C2orf42: variants seen among roughly 807,000 people sequenced by gnomAD.
C2orf42 encodes the protein uncharacterized protein C2orf42.
In C2orf42, 44 loss-of-function variants were observed where a neutral mutation model predicts 58.9. That is an observed-to-expected ratio of 0.75 (90% confidence interval 0.59 to 0.96). The LOEUF is 0.96. Ranked by LOEUF, C2orf42 falls within the 40% of genes least tolerant of loss-of-function variation. The pLI is 0.00. For synonymous variants in C2orf42, 239 were observed against 265.4 expected, an observed-to-expected ratio of 0.90 and a Z score of 0.97; for missense variants, 630 against 699.2, an observed-to-expected ratio of 0.90 and a Z score of 1.12.
chr2:70,170,401 T>C (rs890177739), intron 5 of C2orf42, among the ~76,000 whole-genome samples: 1 of 151,930 alleles, frequency 6.6e-6, no homozygotes, highest in African/African-American at 2.4e-5. Flanking sequence ...TGCGTCACCA[T>C]GCCCAGCCAA....
At chr2:70,157,998 C>T (rs115538364) in intron 9 of C2orf42, among the ~76,000 whole-genome samples, 3,268 of 151,968 alleles carry the variant, frequency 0.022, 127 homozygotes, top group African/African-American at 0.075. Flanking sequence ...GTCCAGAGTT[C>T]GACATCAGCC....
At chr2:70,160,921 T>G (rs1034824955) in intron 8 of C2orf42, 134 bp from the exon 9 acceptor site, 9 of 598,082 alleles carry the variant, frequency 1.5e-5, no homozygotes, top group Non-Finnish European at 2.5e-5. Flanking sequence ...AACTTCCCTG[T>G]TTTTCAAGAA....
chr2:70,162,680 C>T (rs2104872309), intron 8 of C2orf42, among the ~76,000 whole-genome samples: 1 of 152,110 alleles, frequency 6.6e-6, no homozygotes, highest in Admixed American at 6.6e-5. Context: ...GCTGTGTTGC[C>T]TAGGCTGGTC....
At chr2:70,152,920 C>G (rs1263450338) in intron 9 of C2orf42, among the ~76,000 whole-genome samples, 1 of 151,910 alleles carries the variant, frequency 6.6e-6, no homozygotes, top group African/African-American at 2.4e-5. Context: ...GTAATCCCAG[C>G]TACTCAGAAG....
At chr2:70,189,749 G>A (rs1365966607) in intron 1 of C2orf42, among the ~76,000 whole-genome samples, 2 of 150,598 alleles carry the variant, frequency 1.3e-5, no homozygotes, top group African/African-American at 4.9e-5. Flanking sequence ...CTGAGTAGCT[G>A]GACGTGGTGG....
chr2:70,166,319 A>G (rs1361913660), intron 6 of C2orf42, among the ~76,000 whole-genome samples: 1 of 150,320 alleles, frequency 6.7e-6, no homozygotes, highest in African/African-American at 2.4e-5. Context: ...ACGCCACTGC[A>G]CTCCAGCCTG....
chr2:70,177,910 T>C (rs550550261), intron 4 of C2orf42, among the ~76,000 whole-genome samples: 246 of 151,810 alleles, frequency 1.6e-3, no homozygotes, highest in Non-Finnish European at 2.6e-3. Context: ...CATGGTGGCT[T>C]GTGCCTGTAG....
In C2orf42 at chr2:70,179,901, T is replaced by C. The variant is rs577341728; in HGVS notation, c.824-259A>G. Among the ~76,000 whole-genome samples, 343 of 152,122 alleles carry C rather than the reference T, an allele frequency of 2.3e-3. 1 individual carries two copies. Among genetic ancestry groups the C allele is most frequent in the African/African-American group, 7.9e-3 (329 of 41,500 alleles). On this transcript the variant is annotated intron_variant, in intron 3 of 9. Transcript: ENST00000264434. ...CTGTAATGAGCCGTGATTATGTCAC[T>C]GCATGCCAGCCTGGGCGACAGAGGC...
intron 4 of C2orf42, among the ~76,000 whole-genome samples, chr2:70,177,468 A>G (rs1674269905): frequency 6.6e-6 from 1 of 152,094 alleles, no homozygotes. Context: ...ACATTTAACA[A>G]CAATTTCTGC....
intron 9 of C2orf42, among the ~76,000 whole-genome samples, chr2:70,152,135 C>G (rs1672351411): frequency 6.6e-6 from 1 of 152,116 alleles, no homozygotes; most frequent in South Asian, 2.1e-4. Context: ...TAAATAGTCA[C>G]CCCTTTTAAA....
chr2:70,168,140 A>G (rs1382776256), intron 6 of C2orf42, among the ~76,000 whole-genome samples: 13 of 151,006 alleles, frequency 8.6e-5, no homozygotes, highest in Non-Finnish European at 4.4e-5. Flanking sequence ...AGGCTGAGGC[A>G]GGAGAATTGC....
In C2orf42 at chr2:70,150,245, A is replaced by G. The variant is rs745615102; in HGVS notation, c.*111T>C. Reference sequence around the variant, plus strand: ...GCACTGAGAATTTGCATCTTAGCTAAGAGCAGTTTACCAAGGAACAGGGCC... The same window carrying G: ...GCACTGAGAATTTGCATCTTAGCTAGGAGCAGTTTACCAAGGAACAGGGCC... On this transcript the variant is annotated 3_prime_UTR_variant, in exon 10 of 10. Transcript: ENST00000264434. 1.8e-4 allele frequency: 152 copies of G among 841,472 alleles called. No individual in the cohort carries two copies. The highest frequency in any genetic ancestry group is 2.4e-4 in the Non-Finnish European group (125 of 520,528). 52.1% of individuals were successfully genotyped at this position (841,472 alleles called of 1,614,324 possible). A position where few individuals can be genotyped will look rare whatever the true frequency, so the allele number is the denominator to read the frequency against.
intron 9 of C2orf42, among the ~76,000 whole-genome samples, chr2:70,152,798 G>T (rs897004742): frequency 6.6e-6 from 1 of 152,146 alleles, no homozygotes; most frequent in Non-Finnish European, 1.5e-5. Flanking sequence ...ACTTTGGGAG[G>T]CCAAGCCGGG....
chr2:70,184,428 T>C (rs1425459711), intron 1 of C2orf42, among the ~76,000 whole-genome samples: 1 of 151,364 alleles, frequency 6.6e-6, no homozygotes, highest in East Asian at 1.9e-4. Flanking sequence ...CTGCCCGCCT[T>C]GGCCTCCCAA....
chr2:70,162,646 C>T (rs112377312), intron 8 of C2orf42, among the ~76,000 whole-genome samples: 1 of 146,764 alleles, frequency 6.8e-6, no homozygotes, highest in Non-Finnish European at 1.5e-5. Context: ...CTGTCTCAAA[C>T]AAAAAAAAAA....
chr2:70,166,740 T>C (rs112823780), intron 6 of C2orf42, among the ~76,000 whole-genome samples: 14 of 151,902 alleles, frequency 9.2e-5, no homozygotes, highest in African/African-American at 3.4e-4. Context: ...CCACCAAGTA[T>C]AACATTTCAA....
chr2:70,154,984 C>T (rs779185654), intron 9 of C2orf42, among the ~76,000 whole-genome samples: 2 of 151,938 alleles, frequency 1.3e-5, no homozygotes, highest in African/African-American at 2.4e-5. Flanking sequence ...TGGTGGCTCA[C>T]GCCTGTAATC....
intron 8 of C2orf42, among the ~76,000 whole-genome samples, chr2:70,161,967 T>C (rs775097360): frequency 3.3e-5 from 5 of 151,980 alleles, no homozygotes; most frequent in Non-Finnish European, 7.4e-5. Flanking sequence ...TCAGCTTTCT[T>C]AGTGGTTGGG....
intron 2 of C2orf42, 174 bp downstream of exon 2, chr2:70,182,493 A>T (rs1674649859): frequency 6.5e-6 from 1 of 153,812 alleles, no homozygotes; most frequent in Non-Finnish European, 1.4e-5. Context: ...CTATTTTTTT[A>T]AATCCTAATA....
Sources: allele counts gnomAD v4.1 joint callset (sites outside exome capture counted in the v4.1 genomes callset), GRCh38; gene constraint gnomAD v4.1.1; transcripts MANE v1.5; gene names NCBI Gene and HGNC (gene_info 2026-07-23, HGNC 2026-07-21).